The following PDLIM5 variants were observed in gnomAD, a reference collection of about 807,000 sequenced individuals.
PDLIM5 encodes PDZ and LIM domain protein 5.
In PDLIM5, 34 loss-of-function variants were observed where a neutral mutation model predicts 64.2. The ratio of observed to expected loss-of-function variants is 0.53; its 90% CI spans 0.40 to 0.71. PDLIM5 has a LOEUF of 0.71. Among genes scored for constraint, PDLIM5 ranks in the 30% least tolerant of loss-of-function variants. The probability of loss-of-function intolerance (pLI) is 0.00; values close to 1 mark genes in which losing one functional copy is unlikely to be tolerated. For missense variants in PDLIM5, 683 were observed against 733.6 expected (o/e 0.93, Z 0.80); for synonymous variants, 253 against 269.1 (o/e 0.94, Z 0.59).
chr4:94,625,142 C>G (rs1739562517), intron 8 of PDLIM5, among the ~76,000 whole-genome samples: 1 of 152,192 alleles, frequency 6.6e-6, no homozygotes, highest in African/African-American at 2.4e-5. Flanking sequence ...AACCATTGCC[C>G]TCTCTGGGAA....
At chr4:94,479,892 C>G (rs1220335605) in intron 2 of PDLIM5, among the ~76,000 whole-genome samples, 2 of 152,044 alleles carry the variant, frequency 1.3e-5, no homozygotes, top group African/African-American at 4.8e-5. Context: ...GTCTAATTTT[C>G]AAGGTTCTGT....
At chr4:94,473,005 A>G (rs1347761572) in intron 2 of PDLIM5, among the ~76,000 whole-genome samples, 1 of 152,216 alleles carries the variant, frequency 6.6e-6, no homozygotes, top group Non-Finnish European at 1.5e-5. Flanking sequence ...ATAAAATGGT[A>G]TGGAGCAAAA....
At chr4:94,613,148 G>A (rs1425418247) in intron 7 of PDLIM5, among the ~76,000 whole-genome samples, 1 of 151,962 alleles carries the variant, frequency 6.6e-6, no homozygotes, top group Non-Finnish European at 1.5e-5. Flanking sequence ...TGTAACTAAG[G>A]CCTTTCCAGA....
At chr4:94,639,672 G>A (rs1486424623) in intron 8 of PDLIM5, among the ~76,000 whole-genome samples, 1 of 151,988 alleles carries the variant, frequency 6.6e-6, no homozygotes, top group African/African-American at 2.4e-5. Flanking sequence ...CAATACATTG[G>A]GATTTTTAAT....
intron 3 of PDLIM5, among the ~76,000 whole-genome samples, chr4:94,545,048 A>G (rs975882560): frequency 2.6e-5 from 4 of 152,232 alleles, no homozygotes; most frequent in Non-Finnish European, 5.9e-5. Context: ...ACTGGCTATG[A>G]GGAAGTTACT....
intron 7 of PDLIM5, among the ~76,000 whole-genome samples, chr4:94,616,421 A>G (rs1393751671): frequency 2.0e-5 from 3 of 152,194 alleles, no homozygotes; most frequent in Admixed American, 2.0e-4. Flanking sequence ...CCTCGTAGAA[A>G]TCTTATGAGC....
chr4:94,543,653 A>C (rs1292152683), intron 3 of PDLIM5, among the ~76,000 whole-genome samples: 1 of 152,126 alleles, frequency 6.6e-6, no homozygotes, highest in Non-Finnish European at 1.5e-5. Flanking sequence ...GTTAGATTCC[A>C]CATAGGAGAT....
At chr4:94,482,662 C>T (rs543157138) in intron 2 of PDLIM5, among the ~76,000 whole-genome samples, 6 of 152,020 alleles carry the variant, frequency 3.9e-5, no homozygotes, top group Non-Finnish European at 5.9e-5. Flanking sequence ...TTTAGGAGGC[C>T]GAGGCAGGAG....
intron 11 of PDLIM5, among the ~76,000 whole-genome samples, chr4:94,660,492 A>G (rs551535721): frequency 4.2e-4 from 64 of 152,128 alleles, no homozygotes; most frequent in South Asian, 1.7e-3. Context: ...TTAAATTACT[A>G]TTTTCTTTCC....
chr4:94,472,240 A>C (rs777613021), intron 2 of PDLIM5, among the ~76,000 whole-genome samples: 2 of 152,232 alleles, frequency 1.3e-5, no homozygotes, highest in African/African-American at 4.8e-5. Context: ...TAGTCAGTAC[A>C]TAGTAAATAT....
intron 2 of PDLIM5, among the ~76,000 whole-genome samples, chr4:94,481,851 C>T (rs949547302): frequency 9.2e-5 from 14 of 152,176 alleles, no homozygotes; most frequent in African/African-American, 2.9e-4. Flanking sequence ...CCTCGTTATC[C>T]ACCCACCTTG....
chr4:94,552,778 A>G (rs564406747), intron 3 of PDLIM5, among the ~76,000 whole-genome samples: 2 of 152,310 alleles, frequency 1.3e-5, no homozygotes, highest in Non-Finnish European at 2.9e-5. Flanking sequence ...AAATAGTAGT[A>G]GTAGAAATTG....
chr4:94,608,477 T>C (rs1479797099), intron 7 of PDLIM5, among the ~76,000 whole-genome samples: 1 of 152,170 alleles, frequency 6.6e-6, no homozygotes, highest in Non-Finnish European at 1.5e-5. Context: ...AATTAGAGCA[T>C]TTGCCTCAAA....
intron 7 of PDLIM5, among the ~76,000 whole-genome samples, chr4:94,599,153 CA>C (rs1185469246): frequency 6.6e-6 from 1 of 152,084 alleles, no homozygotes; most frequent in Non-Finnish European, 1.5e-5. Context: ...ATATTTTTAA[CA>C]GATCACCCTG....
chr4:94,485,909 A>G (rs949698455), intron 2 of PDLIM5, among the ~76,000 whole-genome samples: 1 of 152,144 alleles, frequency 6.6e-6, no homozygotes, highest in African/African-American at 2.4e-5. Flanking sequence ...ACCTTTTAAA[A>G]AACATGAAAT....
chr4:94,515,245 C>T (rs78370011), intron 2 of PDLIM5, among the ~76,000 whole-genome samples: 1,765 of 152,202 alleles, frequency 0.012, 31 homozygotes, highest in African/African-American at 0.041. Flanking sequence ...AGAGCCTTGC[C>T]TCTTCTTTAA....
intron 7 of PDLIM5, chr4:94,586,900 AT>A: frequency 1.7e-6 from 2 of 1,185,066 alleles, no homozygotes; most frequent in East Asian, 5.5e-5. Context: ...TGTTTTCTGC[AT>A]GATGGAATTA....
chr4:94,597,337 A>C (rs1309432377), intron 7 of PDLIM5, among the ~76,000 whole-genome samples: 2 of 152,082 alleles, frequency 1.3e-5, no homozygotes, highest in African/African-American at 4.8e-5. Flanking sequence ...TGTTAAAATC[A>C]GCAAAGCTCT....
chr4:94,488,399 A>G (rs1482022451), intron 2 of PDLIM5, among the ~76,000 whole-genome samples: 1 of 151,930 alleles, frequency 6.6e-6, no homozygotes, highest in Non-Finnish European at 1.5e-5. Context: ...TTCTCCTTTC[A>G]TAGGTGTTAA....
Sources: allele counts gnomAD v4.1 joint callset (sites outside exome capture counted in the v4.1 genomes callset), GRCh38; gene constraint gnomAD v4.1.1; transcripts MANE v1.5; gene names NCBI Gene and HGNC (gene_info 2026-07-23, HGNC 2026-07-21).